Variants in EXOC4 observed in about 807,000 individuals in gnomAD.
EXOC4 encodes exocyst complex component 4.
Under a neutral mutation model 107.2 loss-of-function variants are expected in EXOC4, and 71 were observed. The ratio of observed to expected loss-of-function variants is 0.66; its 90% CI spans 0.55 to 0.81. The LOEUF (loss-of-function observed/expected upper bound fraction) is 0.81. Among genes scored for constraint, EXOC4 ranks in the 30% least tolerant of loss-of-function variants. The pLI is 0.00. For missense variants in EXOC4, 1,108 were observed against 1,189.6 expected (o/e 0.93, Z 1.01); for synonymous variants, 456 against 441.2 (o/e 1.03, Z -0.42).
chr7:133,795,345 T>TTATTAG (rs1796792425), intron 10 of EXOC4, among the ~76,000 whole-genome samples: 1 of 152,192 alleles, frequency 6.6e-6, no homozygotes, highest in African/African-American at 2.4e-5. Context: ...AGCTGGGAGT[T>TTATTAG]TATTAGTCTT....
intron 5 of EXOC4, among the ~76,000 whole-genome samples, chr7:133,342,262 C>T (rs561201482): frequency 6.6e-6 from 1 of 152,256 alleles, no homozygotes; most frequent in South Asian, 2.1e-4. Flanking sequence ...ATTTGTTTGT[C>T]TGGAAAAGAC....
chr7:133,271,926 G>T (rs1000278762), intron 1 of EXOC4, among the ~76,000 whole-genome samples: 1 of 151,982 alleles, frequency 6.6e-6, no homozygotes, highest in Non-Finnish European at 1.5e-5. Flanking sequence ...TAAACCTAAT[G>T]CCCAGAGTTA....
intron 9 of EXOC4, among the ~76,000 whole-genome samples, chr7:133,518,594 A>G (rs949421540): frequency 5.9e-5 from 9 of 152,160 alleles, no homozygotes; most frequent in Non-Finnish European, 1.0e-4. Context: ...AGCAACCCAA[A>G]TATCCATCAG....
chr7:133,786,027 T>C (rs1324808083), intron 10 of EXOC4, among the ~76,000 whole-genome samples: 7 of 152,216 alleles, frequency 4.6e-5, no homozygotes, highest in Non-Finnish European at 1.0e-4. Flanking sequence ...AAAAATATTC[T>C]TACTTCATAC....
intron 10 of EXOC4, among the ~76,000 whole-genome samples, chr7:133,756,268 A>C (rs1156888243): frequency 6.6e-6 from 1 of 152,124 alleles, no homozygotes; most frequent in Non-Finnish European, 1.5e-5. Context: ...CTAAGTACTC[A>C]TGTTACAATT....
chr7:133,390,217 A>G (rs1796822197), intron 7 of EXOC4, among the ~76,000 whole-genome samples: 1 of 152,210 alleles, frequency 6.6e-6, no homozygotes, highest in Admixed American at 6.5e-5. Flanking sequence ...CTCGTGAGTG[A>G]ACTGAGGAGC....
intron 2 of EXOC4, among the ~76,000 whole-genome samples, chr7:133,280,299 G>A (rs1204997182): frequency 1.3e-5 from 2 of 152,166 alleles, no homozygotes; most frequent in East Asian, 1.9e-4. Flanking sequence ...TATTGCATTG[G>A]TAAACCTCCA....
At chr7:133,511,115 T>C (rs1428532130) in intron 9 of EXOC4, among the ~76,000 whole-genome samples, 1 of 152,154 alleles carries the variant, frequency 6.6e-6, no homozygotes, top group African/African-American at 2.4e-5. Context: ...AATTTTCTAT[T>C]ATACCCTCTT....
intron 11 of EXOC4, among the ~76,000 whole-genome samples, chr7:133,894,008 A>G (rs1212287130): frequency 2.0e-5 from 2 of 98,470 alleles, no homozygotes; most frequent in South Asian, 4.1e-4. Context: ...CCTGGATAAT[A>G]TATCCTGCAG....
intron 7 of EXOC4, among the ~76,000 whole-genome samples, chr7:133,466,865 A>G (rs962738901): frequency 6.6e-5 from 10 of 152,192 alleles, no homozygotes; most frequent in African/African-American, 2.4e-4. Flanking sequence ...AAAATAAAGA[A>G]CCAAAGTCAC....
chr7:133,486,246 A>G (rs888242661), intron 9 of EXOC4, among the ~76,000 whole-genome samples: 9 of 152,156 alleles, frequency 5.9e-5, no homozygotes, highest in Admixed American at 1.3e-4. Flanking sequence ...GAATACTTGT[A>G]TGTAATTAAT....
At chr7:133,793,331 G>A (rs1333995332) in intron 10 of EXOC4, among the ~76,000 whole-genome samples, 1 of 152,080 alleles carries the variant, frequency 6.6e-6, no homozygotes, top group Non-Finnish European at 1.5e-5. Flanking sequence ...AGAATCTGAT[G>A]ACAGCTGTGG....
At chr7:133,463,725 A>G (rs562565522) in intron 7 of EXOC4, among the ~76,000 whole-genome samples, 11 of 152,320 alleles carry the variant, frequency 7.2e-5, no homozygotes, top group African/African-American at 2.6e-4. Context: ...AAACATTCCA[A>G]AAGTTTAGAG....
chr7:133,808,130 C>A (rs554722731), intron 10 of EXOC4, among the ~76,000 whole-genome samples: 5 of 152,278 alleles, frequency 3.3e-5, no homozygotes, highest in African/African-American at 1.2e-4. Flanking sequence ...GGGCTGAGGA[C>A]ATGATTGGGC....
chr7:133,577,347 G>A (rs1323721351), intron 9 of EXOC4, among the ~76,000 whole-genome samples: 1 of 152,126 alleles, frequency 6.6e-6, no homozygotes, highest in Non-Finnish European at 1.5e-5. Context: ...AAATGCCACT[G>A]TGTGTCAATG....
rs561507293 is a variant in EXOC4, at chr7:133,777,506, C to G, written c.1515-39819C>G. Among the ~76,000 whole-genome samples the G allele has an allele frequency of 2.0e-5, 3 of 152,232 alleles. No homozygotes were observed. In the East Asian group the frequency reaches 5.8e-4, roughly 29 times the overall value. On this transcript the variant is annotated intron_variant, in intron 10 of 17. Coordinates refer to ENST00000253861, the MANE Select transcript of EXOC4 (RefSeq NM_021807.4). ...TATGTGAGAAGTTGCTACTCTAGAG[C>G]TGAAAAGGGCTTTCACATTCTTAGG... is the stretch of plus-strand genomic sequence containing the variant.
intron 9 of EXOC4, among the ~76,000 whole-genome samples, chr7:133,497,428 G>GT (rs1220022922): frequency 0.015 from 2,059 of 139,246 alleles, 18 homozygotes; most frequent in African/African-American, 0.027. Context: ...CTCTGTCAGT[G>GT]TTTTTTTTTT....
At chr7:133,991,175 A>G (rs555617426) in intron 14 of EXOC4, among the ~76,000 whole-genome samples, 1 of 152,204 alleles carries the variant, frequency 6.6e-6, no homozygotes, top group East Asian at 1.9e-4. Flanking sequence ...TAGTGATGTT[A>G]AGCATTTTTT....
chr7:133,397,291 AT>A (rs59222298), intron 7 of EXOC4, among the ~76,000 whole-genome samples: 6 of 142,748 alleles, frequency 4.2e-5, no homozygotes, highest in Non-Finnish European at 6.1e-5. Context: ...ACCCAGCCAA[AT>A]TTTTTTTTTT....
Sources: allele counts gnomAD v4.1 joint callset (sites outside exome capture counted in the v4.1 genomes callset), GRCh38; gene constraint gnomAD v4.1.1; transcripts MANE v1.5; gene names NCBI Gene and HGNC (gene_info 2026-07-23, HGNC 2026-07-21).